The following GBE1 variants were observed in gnomAD, a reference collection of about 807,000 sequenced individuals.
The protein encoded by GBE1 is 1,4-alpha-glucan-branching enzyme.
Under a neutral mutation model 88.8 loss-of-function variants are expected in GBE1, and 70 were observed. The ratio of observed to expected loss-of-function variants is 0.79; its 90% CI spans 0.65 to 0.96. The LOEUF (loss-of-function observed/expected upper bound fraction) is 0.96. Ranked by LOEUF, GBE1 falls within the 40% of genes least tolerant of loss-of-function variation. The pLI is 0.00. For missense variants in GBE1, 872 were observed against 871.0 expected, an observed-to-expected ratio of 1.00 and a Z score of -0.01; for synonymous variants, 284 against 300.1, an observed-to-expected ratio of 0.95 and a Z score of 0.56.
At chr3:81,658,286 T>C (rs1397445435) in intron 3 of GBE1, among the ~76,000 whole-genome samples, 1 of 152,082 alleles carries the variant, frequency 6.6e-6, no homozygotes, top group Non-Finnish European at 1.5e-5. Context: ...TGTAATGTGA[T>C]ACAAATGAGT....
intron 7 of GBE1, chr3:81,612,558 G>A: frequency 1.0e-5 from 8 of 771,378 alleles, no homozygotes; most frequent in Non-Finnish European, 1.8e-5. Flanking sequence ...GGATGGTTGA[G>A]AAATGTTGTT....
chr3:81,565,461 A>G (rs1317165725), intron 12 of GBE1, among the ~76,000 whole-genome samples: 1 of 152,232 alleles, frequency 6.6e-6, no homozygotes, highest in Admixed American at 6.5e-5. Flanking sequence ...GAAGATTTGA[A>G]GTAAGATCAC....
intron 1 of GBE1, among the ~76,000 whole-genome samples, chr3:81,709,331 C>A (rs1353446597): frequency 2.6e-5 from 4 of 151,762 alleles, no homozygotes; most frequent in Non-Finnish European, 5.9e-5. Flanking sequence ...GTTTTTTTAA[C>A]CTCTTCCCAA....
intron 1 of GBE1, among the ~76,000 whole-genome samples, chr3:81,732,719 T>G (rs371599737): frequency 1.3e-5 from 2 of 152,166 alleles, no homozygotes; most frequent in East Asian, 1.9e-4. Context: ...CCTGTTTACA[T>G]CCTTGCCTCC....
intron 14 of GBE1, among the ~76,000 whole-genome samples, chr3:81,526,471 C>T (rs957610205): frequency 3.9e-5 from 6 of 151,966 alleles, no homozygotes; most frequent in South Asian, 4.1e-4. Flanking sequence ...TCTAGAAAAC[C>T]CCATTGTCTC....
At chr3:81,755,698 G>A (rs1706592410) in intron 1 of GBE1, among the ~76,000 whole-genome samples, 1 of 152,094 alleles carries the variant, frequency 6.6e-6, no homozygotes, top group South Asian at 2.1e-4. Context: ...AGACCATTAT[G>A]TTAAGTGAGA....
intron 12 of GBE1, among the ~76,000 whole-genome samples, chr3:81,544,300 T>G (rs1446449481): frequency 6.6e-6 from 1 of 152,170 alleles, no homozygotes; most frequent in East Asian, 1.9e-4. Flanking sequence ...ACTGTGACAG[T>G]TAAGAACAAT....
intron 7 of GBE1, among the ~76,000 whole-genome samples, chr3:81,607,257 A>G (rs910951124): frequency 1.3e-5 from 2 of 152,182 alleles, no homozygotes; most frequent in African/African-American, 2.4e-5. Context: ...TATTTAAAAA[A>G]TAAATATGGC....
chr3:81,563,298 TAGAA>T (rs1302494450), intron 12 of GBE1, among the ~76,000 whole-genome samples: 1 of 152,056 alleles, frequency 6.6e-6, no homozygotes, highest in Admixed American at 6.6e-5. Context: ...ATAGCAAAAT[TAGAA>T]AGGCGAGAAT....
chr3:81,584,962 A>C lies in GBE1; in HGVS notation c.1335+1130T>G, dbSNP rs576321931. Among the ~76,000 whole-genome samples, 7 of 152,270 alleles carry C rather than the reference A, an allele frequency of 4.6e-5. No homozygotes were observed. The East Asian group carries it at 1.4e-3, about 29-fold the overall frequency. On this transcript the variant is annotated intron_variant, in intron 10 of 15. Transcript: ENST00000429644. ...AAAAGTCTACATGAAAAAACTAGAA[A>C]TAGTAAGAGATGGGGCTGATGAGGA... is the stretch of plus-strand genomic sequence containing the variant.
intron 11 of GBE1, among the ~76,000 whole-genome samples, chr3:81,580,917 G>T (rs1355633619): frequency 6.6e-6 from 1 of 152,028 alleles, no homozygotes; most frequent in African/African-American, 2.4e-5. Context: ...ATTAATTATA[G>T]TTTGGCAGGA....
At chr3:81,509,875 A>T (rs186383978) in intron 14 of GBE1, among the ~76,000 whole-genome samples, 220 of 152,114 alleles carry the variant, frequency 1.4e-3, no homozygotes, top group Non-Finnish European at 2.7e-3. Context: ...ATTCTTTATA[A>T]ATTTATAACA....
chr3:81,643,100 A>G (rs1301527631), intron 6 of GBE1, 110 bp from the exon 7 acceptor site: 1 of 714,350 alleles, frequency 1.4e-6, no homozygotes, highest in East Asian at 2.8e-5. Context: ...AAATATCCAA[A>G]CAGCATGTGA....
chr3:81,666,336 T>A (rs1705114138), intron 3 of GBE1, among the ~76,000 whole-genome samples: 1 of 152,228 alleles, frequency 6.6e-6, no homozygotes, highest in South Asian at 2.1e-4. Context: ...TACTTTTCTT[T>A]CCATATTTTT....
chr3:81,750,585 A>ATG (rs1706493974), intron 1 of GBE1, among the ~76,000 whole-genome samples: 3 of 54,038 alleles, frequency 5.6e-5, no homozygotes, highest in African/African-American at 2.8e-4. Context: ...ACGTATATAT[A>ATG]TACGTATATA....
chr3:81,507,962 C>T (rs6773695), intron 14 of GBE1, among the ~76,000 whole-genome samples: 44,539 of 151,804 alleles, frequency 0.29, 6,689 homozygotes, highest in East Asian at 0.42. Flanking sequence ...TTCGGCCATA[C>T]ATTTTTAGAA....
At chr3:81,492,709 T>G (rs200026635) in intron 15 of GBE1, among the ~76,000 whole-genome samples, 1 of 146,874 alleles carries the variant, frequency 6.8e-6, no homozygotes, top group East Asian at 2.1e-4. Flanking sequence ...CCTTTCTTCC[T>G]TTCCTTCCTT....
intron 2 of GBE1, among the ~76,000 whole-genome samples, chr3:81,692,689 A>T (rs530017347): frequency 6.6e-6 from 1 of 152,328 alleles, no homozygotes; most frequent in South Asian, 2.1e-4. Context: ...TTTGGACTAA[A>T]CTTTATAAAG....
chr3:81,683,584 C>T (rs1705389952), intron 2 of GBE1, among the ~76,000 whole-genome samples: 1 of 152,058 alleles, frequency 6.6e-6, no homozygotes, highest in African/African-American at 2.4e-5. Flanking sequence ...CTTCTCAAAC[C>T]CAGATTAATT....
Sources: gnomAD v4.1 joint callset for allele counts (sites outside exome capture counted in the v4.1 genomes callset) on GRCh38, gnomAD v4.1.1 for gene constraint, MANE v1.5 for transcripts, NCBI Gene and HGNC (gene_info 2026-07-23, HGNC 2026-07-21) for gene names.